The following ANOS1 variants were observed in gnomAD, a reference collection of about 807,000 sequenced individuals.
ANOS1 encodes anosmin 1.
In ANOS1, 6 loss-of-function variants were observed where a neutral mutation model predicts 59.0. That is an observed-to-expected ratio of 0.10 (90% CI 0.06 to 0.20). The LOEUF is 0.20. ANOS1 is among the 10% of genes least tolerant of loss of function. The pLI is 1.00. For missense variants in ANOS1, 433 were observed against 542.3 expected (o/e 0.80, Z 2.00); for synonymous variants, 217 against 223.4 (o/e 0.97, Z 0.25).
chrX:8,648,016 T>C (rs1363063290), intron 2 of ANOS1, among the ~76,000 whole-genome samples: 1 of 112,339 alleles, frequency 8.9e-6, no homozygotes, highest in Non-Finnish European at 1.9e-5. Flanking sequence ...GTTATAAATT[T>C]ATAAACTGTA....
At chrX:8,546,707 C>T (rs1316622218) in intron 9 of ANOS1, among the ~76,000 whole-genome samples, 1 of 111,883 alleles carries the variant, frequency 8.9e-6, no homozygotes, top group Non-Finnish European at 1.9e-5. Context: ...AAATTCGACA[C>T]ACCAAAACCA....
intron 2 of ANOS1, among the ~76,000 whole-genome samples, chrX:8,693,680 T>C (rs1158450054): frequency 9.3e-6 from 1 of 108,048 alleles, no homozygotes; most frequent in Non-Finnish European, 1.9e-5. Flanking sequence ...GGGGAGAAGG[T>C]GGTTATGTCC....
intron 1 of ANOS1, among the ~76,000 whole-genome samples, chrX:8,713,805 G>A (rs763319071): frequency 3.2e-4 from 35 of 110,215 alleles, no homozygotes; most frequent in African/African-American, 1.2e-3. Context: ...TAGAGACGGG[G>A]TTTCACCAGA....
At chrX:8,632,338 T>C (rs944901914) in intron 2 of ANOS1, among the ~76,000 whole-genome samples, 1 of 112,593 alleles carries the variant, frequency 8.9e-6, no homozygotes, top group Non-Finnish European at 1.9e-5. Context: ...ATGAAATTTA[T>C]AAAGACCACC....
chrX:8,538,041 A>G (rs1929625974), intron 10 of ANOS1, among the ~76,000 whole-genome samples: 1 of 111,114 alleles, frequency 9.0e-6, no homozygotes, highest in Admixed American at 9.6e-5. Context: ...AGATGGTGAC[A>G]GGAGATGGGG....
intron 2 of ANOS1, among the ~76,000 whole-genome samples, chrX:8,632,155 G>A (rs1339495156): frequency 8.9e-6 from 1 of 112,018 alleles, no homozygotes; most frequent in Admixed American, 9.5e-5. Flanking sequence ...CAAGTCTGAA[G>A]GCAACCAAAA....
intron 8 of ANOS1, among the ~76,000 whole-genome samples, chrX:8,554,887 CA>C (rs1415842840): frequency 3.6e-4 from 40 of 110,739 alleles, no homozygotes; most frequent in African/African-American, 1.2e-3. Flanking sequence ...ACCTAATAGA[CA>C]TCTACAGAAC....
At chrX:8,557,687 G>A (rs973861687) in intron 8 of ANOS1, among the ~76,000 whole-genome samples, 6 of 112,050 alleles carry the variant, frequency 5.4e-5, no homozygotes, top group African/African-American at 1.9e-4. Context: ...AGATGCTGGA[G>A]AGGATATGGA....
intron 3 of ANOS1, among the ~76,000 whole-genome samples, chrX:8,597,944 G>A (rs980471235): frequency 2.7e-5 from 3 of 110,820 alleles, no homozygotes; most frequent in African/African-American, 9.8e-5. Flanking sequence ...CACTGGGATT[G>A]CAGGCATGAG....
At chrX:8,571,263 G>C (rs148237781) in intron 6 of ANOS1, among the ~76,000 whole-genome samples, 1,724 of 111,322 alleles carry the variant, frequency 0.015, 30 homozygotes, top group African/African-American at 0.053. Flanking sequence ...ATCGTTTTAG[G>C]CATTTCCATA....
intron 2 of ANOS1, among the ~76,000 whole-genome samples, chrX:8,658,459 C>CT (rs1383127054): frequency 8.9e-6 from 1 of 111,959 alleles, no homozygotes; most frequent in Non-Finnish European, 1.9e-5. Flanking sequence ...CTATGTACTG[C>CT]TTAAAGGTTG....
chrX:8,535,964 C>T (rs1031172063), intron 11 of ANOS1, among the ~76,000 whole-genome samples, 153 bp from the exon 12 acceptor site: 2 of 110,773 alleles, frequency 1.8e-5, no homozygotes, highest in African/African-American at 6.6e-5. Context: ...AGACAATCAC[C>T]CCTTTGACAT....
intron 2 of ANOS1, among the ~76,000 whole-genome samples, chrX:8,684,300 T>C (rs1932470702): frequency 9.0e-6 from 1 of 111,435 alleles, no homozygotes; most frequent in Non-Finnish European, 1.9e-5. Flanking sequence ...TGCTGCTTCA[T>C]CCAAGAGGGC....
intron 3 of ANOS1, among the ~76,000 whole-genome samples, chrX:8,619,425 G>A (rs1446664579): frequency 2.7e-5 from 3 of 110,964 alleles, no homozygotes; most frequent in African/African-American, 6.6e-5. Flanking sequence ...CCAACATGGT[G>A]AAACCCCGTC....
At chrX:8,703,574 C>G (rs1932767010) in intron 1 of ANOS1, among the ~76,000 whole-genome samples, 1 of 111,360 alleles carries the variant, frequency 9.0e-6, no homozygotes, top group African/African-American at 3.3e-5. Context: ...TGATTAACCT[C>G]AATGGTAAAC....
chrX:8,571,806 A>G (rs754507175), intron 6 of ANOS1, among the ~76,000 whole-genome samples: 40 of 112,249 alleles, frequency 3.6e-4, no homozygotes, highest in African/African-American at 1.2e-3. Context: ...TCATTTCAAG[A>G]TGCCATCACG....
At chrX:8,619,559 G>A (rs2146843811) in intron 3 of ANOS1, among the ~76,000 whole-genome samples, 1 of 110,796 alleles carries the variant, frequency 9.0e-6, no homozygotes, top group Admixed American at 9.6e-5. Context: ...AGCTGAGATT[G>A]CGCCACTGCA....
chrX:8,692,924 G>A (rs1302175140), intron 2 of ANOS1, among the ~76,000 whole-genome samples: 15 of 112,248 alleles, frequency 1.3e-4, no homozygotes, highest in Non-Finnish European at 2.8e-4. Context: ...TCTATCTTGT[G>A]TTAAAAGGAC....
intron 3 of ANOS1, among the ~76,000 whole-genome samples, 160 bp from the exon 4 acceptor site, chrX:8,597,416 C>T (rs1428367968): frequency 2.7e-5 from 3 of 111,623 alleles, no homozygotes; most frequent in East Asian, 2.8e-4. Flanking sequence ...ATCCAAGTGA[C>T]ATTTTGTGCT....
Sources: gnomAD v4.1 joint callset for allele counts (sites outside exome capture counted in the v4.1 genomes callset) on GRCh38, gnomAD v4.1.1 for gene constraint, MANE v1.5 for transcripts, NCBI Gene and HGNC (gene_info 2026-07-23, HGNC 2026-07-21) for gene names.